PARD3: variants seen among roughly 807,000 people sequenced by gnomAD.
The protein encoded by PARD3 is partitioning defective 3 homolog.
Under a neutral mutation model 155.4 loss-of-function variants are expected in PARD3, and 75 were observed. The ratio of observed to expected loss-of-function variants is 0.48; its 90% CI spans 0.40 to 0.58. The LOEUF (loss-of-function observed/expected upper bound fraction) is 0.58. PARD3 is among the 20% of genes least tolerant of loss of function. The pLI is 0.00. For synonymous variants in PARD3, 576 were observed against 610.5 expected, an observed-to-expected ratio of 0.94 and a Z score of 0.83; for missense variants, 1,642 against 1,721.7, an observed-to-expected ratio of 0.95 and a Z score of 0.82.
chr10:34,359,065 C>T lies in PARD3; in HGVS notation c.2067+82G>A. The T allele has an allele frequency of 4.9e-6, 5 of 1,011,080 alleles. No individual in the cohort carries two copies. The South Asian group carries it at 7.7e-5, about 16-fold the overall frequency. The allele number at this position is 1,011,080 out of a possible 1,614,324, so 62.6% of individuals were successfully genotyped here. A position where few individuals can be genotyped will look rare whatever the true frequency, so the allele number is the denominator to read the frequency against. ...GGTCTTTTGATGTAAGGTCCTGGAA[C>T]CTAATACCCTTTGCCCAAAATTAGG... On this transcript the variant is annotated intron_variant, in intron 14 of 24. Transcript: ENST00000374788.
At chr10:34,369,988 G>T (rs1840414881) in intron 12 of PARD3, among the ~76,000 whole-genome samples, 1 of 152,018 alleles carries the variant, frequency 6.6e-6, no homozygotes, top group African/African-American at 2.4e-5. Flanking sequence ...ACAGATCCTT[G>T]GCCATCAAAA....
chr10:34,577,466 T>C (rs1257919083), intron 2 of PARD3, among the ~76,000 whole-genome samples: 3 of 152,212 alleles, frequency 2.0e-5, no homozygotes, highest in East Asian at 1.9e-4. Context: ...CTGAGCTGCA[T>C]GATGGCCCCA....
chr10:34,382,552 G>A lies in PARD3; in HGVS notation c.1387C>T (p.Gln463Ter). ...GGATAGGTCGTACCTTTCTTAAGCT[G>A]GATATTAAGCCTCTTGCCTATTTTT... ...TKKIGKRLNI[Q>*]LKKGTEGLGF... Residue 463 changes from glutamine (Q) to a stop codon, truncating the protein, a stop_gained, in exon 9 of 25, where the codon CAG becomes TAG. Coordinates refer to ENST00000374788, the MANE Select transcript of PARD3 (RefSeq NM_001184785.2). LOFTEE classifies it high-confidence loss of function. 1 of 1,612,460 alleles carries A rather than the reference G, an allele frequency of 6.2e-7. No individual in the cohort carries two copies. The highest frequency in any genetic ancestry group is 8.5e-7 in the Non-Finnish European group (1 of 1,179,756).
intron 17 of PARD3, among the ~76,000 whole-genome samples, chr10:34,336,503 C>T (rs981201795): frequency 3.3e-5 from 5 of 152,112 alleles, no homozygotes; most frequent in Non-Finnish European, 5.9e-5. Context: ...CAATGCATCA[C>T]CAAATTTTTC....
intron 8 of PARD3, among the ~76,000 whole-genome samples, chr10:34,383,917 TAAG>T (rs1842099714): frequency 1.3e-5 from 2 of 152,138 alleles, no homozygotes; most frequent in Non-Finnish European, 2.9e-5. Context: ...CCATAATACT[TAAG>T]AAGAGCTATA....
At chr10:34,505,936 G>T (rs1344346607) in intron 3 of PARD3, among the ~76,000 whole-genome samples, 6 of 152,106 alleles carry the variant, frequency 3.9e-5, no homozygotes, top group Admixed American at 3.9e-4. Flanking sequence ...GGCCAGCCTA[G>T]CCAACATCAT....
At chr10:34,700,040 CAA>C (rs1447284618) in intron 1 of PARD3, among the ~76,000 whole-genome samples, 1 of 151,902 alleles carries the variant, frequency 6.6e-6, no homozygotes, top group African/African-American at 2.4e-5. Flanking sequence ...TTTAAAATAA[CAA>C]AAGAGTTAAA....
At chr10:34,552,441 C>T (rs1038770347) in intron 2 of PARD3, among the ~76,000 whole-genome samples, 11 of 152,244 alleles carry the variant, frequency 7.2e-5, no homozygotes, top group Non-Finnish European at 8.8e-5. Context: ...GGAGTAGTGG[C>T]TCACGCCTGT....
chr10:34,677,498 A>C (rs1481681376), intron 2 of PARD3, among the ~76,000 whole-genome samples: 1 of 152,074 alleles, frequency 6.6e-6, no homozygotes, highest in East Asian at 1.9e-4. Flanking sequence ...AAAAAAGAAA[A>C]GAAACTAAAA....
At chr10:34,363,277 C>T (rs1839631088) in intron 12 of PARD3, among the ~76,000 whole-genome samples, 1 of 152,098 alleles carries the variant, frequency 6.6e-6, no homozygotes, top group Non-Finnish European at 1.5e-5. Flanking sequence ...TTTCTGATTG[C>T]TGAACTCTGA....
At chr10:34,301,747 G>A (rs1211192196) in intron 20 of PARD3, among the ~76,000 whole-genome samples, 3 of 151,684 alleles carry the variant, frequency 2.0e-5, no homozygotes, top group Non-Finnish European at 4.4e-5. Context: ...TTTACTAGCC[G>A]GTGTGTGACT....
chr10:34,224,088 AG>A (rs1213976053), intron 22 of PARD3, among the ~76,000 whole-genome samples: 61 of 152,362 alleles, frequency 4.0e-4, no homozygotes, highest in African/African-American at 1.5e-3. Context: ...GGTCAGCCTC[AG>A]GAGGGAGAAG....
At chr10:34,316,573 C>T (rs762307551) in intron 20 of PARD3, among the ~76,000 whole-genome samples, 6 of 152,132 alleles carry the variant, frequency 3.9e-5, no homozygotes, top group Admixed American at 1.3e-4. Context: ...CCTTTAAATG[C>T]TACCACTAAC....
At chr10:34,669,615 GA>G (rs893123192) in intron 2 of PARD3, among the ~76,000 whole-genome samples, 3 of 151,692 alleles carry the variant, frequency 2.0e-5, no homozygotes, top group Admixed American at 6.6e-5. Context: ...AAAAAAAACA[GA>G]AAAAATTACC....
chr10:34,461,244 T>C (rs1358195351), intron 4 of PARD3, among the ~76,000 whole-genome samples: 2 of 152,210 alleles, frequency 1.3e-5, no homozygotes. Context: ...GGACTAGATC[T>C]AACTTCACAA....
At chr10:34,381,702 T>G (rs1841843710) in intron 9 of PARD3, among the ~76,000 whole-genome samples, 1 of 150,856 alleles carries the variant, frequency 6.6e-6, no homozygotes, top group Non-Finnish European at 1.5e-5. Flanking sequence ...GAAGCCGAGG[T>G]AGAAGGACTA....
intron 2 of PARD3, among the ~76,000 whole-genome samples, chr10:34,684,206 G>A (rs2093899956): frequency 6.6e-6 from 1 of 152,152 alleles, no homozygotes; most frequent in Non-Finnish European, 1.5e-5. Context: ...AATATGGAGT[G>A]GACAGTGAAA....
chr10:34,724,349 T>G (rs2094662193), intron 1 of PARD3, among the ~76,000 whole-genome samples: 1 of 152,216 alleles, frequency 6.6e-6, no homozygotes, highest in Non-Finnish European at 1.5e-5. Context: ...CCTACCCTCT[T>G]GCAGTGGTGA....
At chr10:34,764,003 GC>G (rs1837783650) in intron 1 of PARD3, among the ~76,000 whole-genome samples, 2 of 152,150 alleles carry the variant, frequency 1.3e-5, no homozygotes, top group African/African-American at 4.8e-5. Flanking sequence ...TGGTTCCCAA[GC>G]TTTTATACTC....
Sources: allele counts gnomAD v4.1 joint callset (sites outside exome capture counted in the v4.1 genomes callset), GRCh38; gene constraint gnomAD v4.1.1; transcripts MANE v1.5; gene names NCBI Gene and HGNC (gene_info 2026-07-23, HGNC 2026-07-21).